AP2B1: variants seen among roughly 807,000 people sequenced by gnomAD.
The protein encoded by AP2B1 is AP-2 complex subunit beta.
A neutral mutation model predicts 102.0 loss-of-function variants in AP2B1; 23 were observed. The observed-to-expected ratio is 0.23, with a 90% CI of 0.16 to 0.32. The LOEUF (loss-of-function observed/expected upper bound fraction) is 0.32. Among genes scored for constraint, AP2B1 ranks in the 10% least tolerant of loss-of-function variants. The pLI is 1.00. For missense variants in AP2B1, 541 were observed against 1,157.4 expected (o/e 0.47, Z 7.73); for synonymous variants, 381 against 421.2 (o/e 0.90, Z 1.17).
intron 20 of AP2B1, among the ~76,000 whole-genome samples, chr17:35,715,078 T>C (rs984022621): frequency 6.6e-6 from 1 of 152,312 alleles, no homozygotes; most frequent in Non-Finnish European, 1.5e-5. Flanking sequence ...ATCTTCAAAC[T>C]CAAACCTAAT....
chr17:35,587,634 C>T (rs766281521), intron 1 of AP2B1: 18 of 152,782 alleles, frequency 1.2e-4, no homozygotes, highest in Non-Finnish European at 2.2e-4. Context: ...GCCTGTGGTG[C>T]GGTGAGGGAA....
chr17:35,693,642 TCTAATCA>T (rs760613448), intron 18 of AP2B1, among the ~76,000 whole-genome samples: 22 of 152,224 alleles, frequency 1.4e-4, no homozygotes, highest in Admixed American at 2.6e-4. Context: ...GAAAATATTA[TCTAATCA>T]CTTTTGAAAA....
chr17:35,627,559 CT>C, intron 8 of AP2B1, 54 bp downstream of exon 8: 1 of 1,613,046 alleles, frequency 6.2e-7, no homozygotes, highest in Admixed American at 1.7e-5. Flanking sequence ...AAGGTCTGGC[CT>C]TTAAAGAAGC....
At chr17:35,718,708 G>T (rs2143012641) in intron 21 of AP2B1, among the ~76,000 whole-genome samples, 1 of 151,896 alleles carries the variant, frequency 6.6e-6, no homozygotes, top group Admixed American at 6.6e-5. Context: ...GGGTTGGGGG[G>T]AGAATAACTC....
At chr17:35,636,318 AT>A (rs1313731948) in intron 9 of AP2B1, 22 bp from the exon 10 acceptor site, 2 of 1,575,844 alleles carry the variant, frequency 1.3e-6, no homozygotes, top group Non-Finnish European at 8.7e-7. Flanking sequence ...CTGACTTCTC[AT>A]TTTTTGTATT....
intron 18 of AP2B1, among the ~76,000 whole-genome samples, chr17:35,705,878 CT>C (rs1188679813): frequency 6.6e-6 from 1 of 152,088 alleles, no homozygotes; most frequent in Non-Finnish European, 1.5e-5. Context: ...TTCTACAGTA[CT>C]TATGAGTCAA....
intron 14 of AP2B1, among the ~76,000 whole-genome samples, chr17:35,659,040 T>G (rs1024002335): frequency 6.6e-6 from 1 of 152,236 alleles, no homozygotes; most frequent in Middle Eastern, 3.2e-3. Context: ...ACTTTTTATA[T>G]TCATATCTTT....
At chr17:35,633,683 A>G (rs2074527314) in intron 9 of AP2B1, among the ~76,000 whole-genome samples, 1 of 152,146 alleles carries the variant, frequency 6.6e-6, no homozygotes, top group Non-Finnish European at 1.5e-5. Context: ...ATCTTACTCA[A>G]GTAGTCCAGT....
chr17:35,717,114 G>A, intron 20 of AP2B1, 81 bp from the exon 21 acceptor site: 1 of 1,470,884 alleles, frequency 6.8e-7, no homozygotes, highest in Admixed American at 1.7e-5. Flanking sequence ...AACACACATG[G>A]CTCATAAGGA....
At chr17:35,637,925 TC>T (rs753433510) in intron 10 of AP2B1, among the ~76,000 whole-genome samples, 3 of 151,454 alleles carry the variant, frequency 2.0e-5, no homozygotes, top group African/African-American at 4.9e-5. Flanking sequence ...CCTCAAGTGA[TC>T]CCCCCCACCT....
At chr17:35,596,873 T>C (rs1286874095) in intron 2 of AP2B1, 12 of 693,212 alleles carry the variant, frequency 1.7e-5, no homozygotes, top group Non-Finnish European at 2.7e-5. Flanking sequence ...GAAGAAGCCA[T>C]ATGCTGCTTC....
intron 18 of AP2B1, among the ~76,000 whole-genome samples, chr17:35,685,881 G>C (rs1213203972): frequency 1.3e-5 from 2 of 151,938 alleles, no homozygotes; most frequent in African/African-American, 4.8e-5. Flanking sequence ...TCCAGCCTTA[G>C]CCTCTGAGTA....
chr17:35,680,163 C>T (rs1185647276), intron 17 of AP2B1, among the ~76,000 whole-genome samples: 1 of 152,128 alleles, frequency 6.6e-6, no homozygotes, highest in African/African-American at 2.4e-5. Context: ...CAGCCTCGGC[C>T]TCCCAAAGTG....
At chr17:35,631,629 CT>C in intron 9 of AP2B1, among the ~76,000 whole-genome samples, 1 of 151,706 alleles carries the variant, frequency 6.6e-6, no homozygotes, top group Admixed American at 6.6e-5. Flanking sequence ...TTTATGTCAT[CT>C]TTAGTTTCTG....
At chr17:35,708,085 A>T (rs1179312358) in intron 18 of AP2B1, among the ~76,000 whole-genome samples, 1 of 152,250 alleles carries the variant, frequency 6.6e-6, no homozygotes, top group Non-Finnish European at 1.5e-5. Context: ...CCACAGTTTT[A>T]AGAGGTCAGT....
At chr17:35,607,469 A>C (rs1427240742) in intron 4 of AP2B1, among the ~76,000 whole-genome samples, 1 of 152,230 alleles carries the variant, frequency 6.6e-6, no homozygotes, top group Non-Finnish European at 1.5e-5. Context: ...TTTGGAAGTT[A>C]GAGTTGTGCA....
At chr17:35,595,426 A>G (rs1393582548) in intron 2 of AP2B1, among the ~76,000 whole-genome samples, 2 of 152,142 alleles carry the variant, frequency 1.3e-5, no homozygotes, top group Admixed American at 6.5e-5. Flanking sequence ...GCACACCTGT[A>G]GTCCCAGCTA....
At position 35,598,336 on chromosome 17, in the gene AP2B1, G is replaced by A. The variant is rs1298267148; in HGVS notation, c.143+1G>A. 6.3e-7 allele frequency: 1 copy of A among 1,599,242 alleles called. No individual in the cohort carries two copies. Among genetic ancestry groups the A allele is most frequent in the Non-Finnish European group, 8.6e-7 (1 of 1,168,356 alleles). On this transcript the variant is annotated splice_donor_variant, in intron 3 of 21. Transcript: ENST00000610402. LOFTEE classifies it high-confidence loss of function. ...CTATGACCGTGGGGAAGGATGTTAG[G>A]TAAGAGTAATCACCCTTGCCATTGA... is the stretch of plus-strand genomic sequence containing the variant.
chr17:35,595,266 A>C (rs568230377), intron 2 of AP2B1, among the ~76,000 whole-genome samples: 1 of 152,312 alleles, frequency 6.6e-6, no homozygotes, highest in East Asian at 1.9e-4. Flanking sequence ...CCAGGTGGCC[A>C]GGCATGGTGG....
Sources: allele counts gnomAD v4.1 joint callset (sites outside exome capture counted in the v4.1 genomes callset), GRCh38; gene constraint gnomAD v4.1.1; transcripts MANE v1.5; gene names NCBI Gene and HGNC (gene_info 2026-07-23, HGNC 2026-07-21).